Variants in MAN1B1 observed in about 807,000 individuals in gnomAD.
MAN1B1 encodes mannosidase alpha class 1B member 1.
Under a neutral mutation model 75.5 loss-of-function variants are expected in MAN1B1, and 66 were observed. The observed-to-expected ratio is 0.87, with a 90% CI of 0.72 to 1.07. The LOEUF (loss-of-function observed/expected upper bound fraction) is 1.07. Ranked by LOEUF, MAN1B1 falls within the 50% of genes least tolerant of loss-of-function variation. The pLI is 0.00. For synonymous variants in MAN1B1, 453 were observed against 382.8 expected (o/e 1.18, Z -2.14); for missense variants, 973 against 912.5 (o/e 1.07, Z -0.85).
chr9:137,089,957 G>T (rs1181298845), intron 3 of MAN1B1, among the ~76,000 whole-genome samples: 1 of 152,114 alleles, frequency 6.6e-6, no homozygotes, highest in South Asian at 2.1e-4. Context: ...GGGGAGACAG[G>T]TTTTAGGAGT....
At chr9:137,089,863 G>A (rs959441996) in intron 3 of MAN1B1, among the ~76,000 whole-genome samples, 4 of 152,114 alleles carry the variant, frequency 2.6e-5, no homozygotes, top group African/African-American at 2.4e-5. Context: ...GAGGAGCTCC[G>A]TTTTGGATCT....
At chr9:137,102,354 G>A (rs897889913) in intron 8 of MAN1B1, 19 of 432,384 alleles carry the variant, frequency 4.4e-5, no homozygotes, top group African/African-American at 9.0e-5. Flanking sequence ...GGTCGGTGGT[G>A]TTACATTCAC....
chr9:137,088,217 T>G, intron 2 of MAN1B1, 34 bp downstream of exon 2: 1 of 1,614,016 alleles, frequency 6.2e-7, no homozygotes, highest in Non-Finnish European at 8.5e-7. Flanking sequence ...AAACGATATC[T>G]GTGTTGAGGG....
chr9:137,088,054 C>T (rs375126942), intron 1 of MAN1B1, 21 bp from the exon 2 acceptor site: 106 of 1,571,738 alleles, frequency 6.7e-5, no homozygotes, highest in East Asian at 8.9e-5. Flanking sequence ...TAAGAAATGT[C>T]ATTCTCTGTA....
chr9:137,099,810 G>T lies in MAN1B1; in HGVS notation c.845G>T (p.Ser282Ile), dbSNP rs772123652. The change falls in exon 6 of 13, where the codon AGT becomes ATT. Residue 282 changes from serine (S) to isoleucine (I), a missense_variant. Coordinates refer to ENST00000371589, the MANE Select transcript of MAN1B1 (RefSeq NM_016219.5). ...DELKPVSRSF[S>I]EWFGLGLTLI... is the part of the protein sequence containing the mutation. ...CTGAAGCCTGTGTCCAGGTCCTTCA[G>T]TGAGTGGTTTGGCCTCGGTCTCACA... 6.2e-7 allele frequency: 1 copy of T among 1,614,266 alleles called. No individual in the cohort carries two copies. Among genetic ancestry groups the T allele is most frequent in the Admixed American group, 1.7e-5 (1 of 60,030 alleles).
chr9:137,089,029 G>C lies in MAN1B1; in HGVS notation c.465+24G>C, dbSNP rs111492711. The stretch of plus-strand genomic sequence containing the variant: ...AGGTACTTTGAGCAAATGGTGTGGG[G>C]TTATAACTGGGGTTCAATCCAGAGG... On this transcript the variant is annotated intron_variant, in intron 3 of 12. Coordinates refer to ENST00000371589, the MANE Select transcript of MAN1B1 (RefSeq NM_016219.5). The C allele has an allele frequency of 2.5e-6, 4 of 1,613,820 alleles. No homozygotes were observed. In the South Asian group the frequency reaches 4.4e-5, roughly 18 times the overall value.
At chr9:137,098,078 T>G in intron 5 of MAN1B1, 141 bp downstream of exon 5, 1 of 670,268 alleles carries the variant, frequency 1.5e-6, no homozygotes, top group Non-Finnish European at 2.7e-6. Context: ...GTTGTCTGAG[T>G]CCTCACAGGC....
chr9:137,088,143 T>C lies in MAN1B1; in HGVS notation c.288T>C (p.Cys96=). ...ILFLLAFLLF[C]GLLFYINLAD... ...TCCTCCTTGCCTTTCTGCTTTTCTG[T>C]GGACTCCTCTTCTACATCAACTTGG... The change falls in exon 2 of 13, where the codon TGT becomes TGC. Residue 96 remains cysteine (C), a synonymous_variant. Transcript: ENST00000371589. 2 of 1,614,210 alleles carry C rather than the reference T, an allele frequency of 1.2e-6. No individual in the cohort carries two copies. Among genetic ancestry groups the C allele is most frequent in the South Asian group, 2.2e-5 (2 of 91,086 alleles).
At chr9:137,102,285 T>A (rs1288451886) in intron 8 of MAN1B1, 10 of 224,480 alleles carry the variant, frequency 4.5e-5, no homozygotes, top group Middle Eastern at 5.4e-4. Flanking sequence ...TTACACACAT[T>A]CACTGTTGCA....
intron 4 of MAN1B1, 108 bp from the exon 5 acceptor site, chr9:137,097,720 G>A (rs1181354700): frequency 7.0e-6 from 6 of 852,464 alleles, no homozygotes; most frequent in South Asian, 5.8e-5. Context: ...TGATGGGGCC[G>A]CTTTGGGTGC....
intron 3 of MAN1B1, among the ~76,000 whole-genome samples, chr9:137,090,387 T>C (rs1830485115): frequency 6.6e-6 from 1 of 152,036 alleles, no homozygotes; most frequent in African/African-American, 2.4e-5. Flanking sequence ...TTTCTAACAG[T>C]GGCCTTGGGA....
chr9:137,107,115 A>G (rs1296906301), intron 10 of MAN1B1, 135 bp from the exon 11 acceptor site: 4 of 952,154 alleles, frequency 4.2e-6, no homozygotes, highest in East Asian at 5.3e-5. Context: ...GTTCCATGCC[A>G]AGTGCCCTCG....
chr9:137,103,487 TAC>T (rs1239006103), intron 8 of MAN1B1: 1 of 436,494 alleles, frequency 2.3e-6, no homozygotes, highest in Non-Finnish European at 4.6e-6. Context: ...AGGTCAGTGG[TAC>T]ACACATTCAC....
chr9:137,097,068 G>A (rs529661857), intron 4 of MAN1B1, among the ~76,000 whole-genome samples: 14 of 152,354 alleles, frequency 9.2e-5, no homozygotes, highest in African/African-American at 3.1e-4. Flanking sequence ...GAACTCAAGC[G>A]CGTGGTGAGA....
At chr9:137,097,754 A>G (rs1225329867) in intron 4 of MAN1B1, 74 bp from the exon 5 acceptor site, 3 of 1,146,558 alleles carry the variant, frequency 2.6e-6, no homozygotes, top group South Asian at 1.3e-5. Context: ...GGCCGTGGGT[A>G]TGGAGCGTGG....
intron 3 of MAN1B1, among the ~76,000 whole-genome samples, chr9:137,090,533 G>T (rs964149520): frequency 6.6e-6 from 1 of 152,016 alleles, no homozygotes. Context: ...ACTGCCGTGG[G>T]GGTGTTTTGA....
chr9:137,100,968 C>T (rs778671623), intron 6 of MAN1B1, 37 bp from the exon 7 acceptor site: 3 of 1,612,912 alleles, frequency 1.9e-6, no homozygotes, highest in Non-Finnish European at 2.5e-6. Flanking sequence ...TGGAGCCATC[C>T]ATTTGTCTCT....
intron 9 of MAN1B1, 119 bp from the exon 10 acceptor site, chr9:137,106,570 C>G (rs1337854041): frequency 6.6e-7 from 1 of 1,526,286 alleles, no homozygotes; most frequent in East Asian, 2.2e-5. Context: ...GTGGCACCTT[C>G]TGTCCGGCAA....
At chr9:137,097,172 G>A (rs891794952) in intron 4 of MAN1B1, among the ~76,000 whole-genome samples, 1 of 152,212 alleles carries the variant, frequency 6.6e-6, no homozygotes, top group Non-Finnish European at 1.5e-5. Flanking sequence ...ATGCAAGGAC[G>A]CTTTACTTCC....
Sources: gnomAD v4.1 joint callset for allele counts (sites outside exome capture counted in the v4.1 genomes callset) on GRCh38, gnomAD v4.1.1 for gene constraint, MANE v1.5 for transcripts, NCBI Gene and HGNC (gene_info 2026-07-23, HGNC 2026-07-21) for gene names.